The following SSX2IP variants were observed in gnomAD, a reference collection of about 807,000 sequenced individuals.
The protein encoded by SSX2IP is SSX family member 2 interacting protein.
A neutral mutation model predicts 84.9 loss-of-function variants in SSX2IP; 55 were observed. The ratio of observed to expected loss-of-function variants is 0.65; its 90% CI spans 0.52 to 0.81. The LOEUF is 0.81. SSX2IP is among the 30% of genes least tolerant of loss of function. The probability of loss-of-function intolerance (pLI) is 0.00; values close to 1 mark genes in which losing one functional copy is unlikely to be tolerated. For missense variants in SSX2IP, 664 were observed against 705.2 expected, an observed-to-expected ratio of 0.94 and a Z score of 0.66; for synonymous variants, 239 against 234.7, an observed-to-expected ratio of 1.02 and a Z score of -0.17.
In SSX2IP at chr1:84,647,447, C is replaced by CAGAA; in HGVS notation, c.1830_1831insTTCT (p.Asp611PhefsTer2). 1 of 1,598,648 alleles carries CAGAA rather than the reference C, an allele frequency of 6.3e-7. No individual in the cohort carries two copies. The highest frequency in any genetic ancestry group is 1.7e-4 in the Middle Eastern group (1 of 6,010). ...AGTCCACATGTCTAAGGTAAGTCAT[C>CAGAA]TTTTTCTACATGAGAATTTGTGTAG... is the stretch of plus-strand genomic sequence containing the variant. On this transcript the variant is annotated frameshift_variant, in exon 14 of 14. Transcript: ENST00000342203. LOFTEE classifies it high-confidence loss of function.
chr1:84,649,862 G>C, intron 13 of SSX2IP: 1 of 492,756 alleles, frequency 2.0e-6, no homozygotes, highest in South Asian at 1.5e-5. Context: ...GGTTTCCCAG[G>C]GTGGAGAGCC....
Position 84,671,289 on chromosome 1 carries a change from CTCT to C in SSX2IP, c.-73_-71del. ...TAAACATTTAGTCTAGCTGCTGTCACTCTTCTATGTAGGCATCTCCTTAAAAAG... is the reference window on the plus strand; with the variant it reads ...TAAACATTTAGTCTAGCTGCTGTCACTCTATGTAGGCATCTCCTTAAAAAG... On this transcript the variant is annotated 5_prime_UTR_variant, in exon 2 of 14. Transcript: ENST00000342203. 1 of 1,590,460 alleles carries C rather than the reference CTCT, an allele frequency of 6.3e-7. No homozygotes were observed. The highest frequency in any genetic ancestry group is 8.5e-7 in the Non-Finnish European group (1 of 1,170,232).
Position 84,664,483 on chromosome 1 carries a change from G to T in SSX2IP, c.607C>A (p.Arg203Ser). The T allele has an allele frequency of 6.3e-7, 1 of 1,599,826 alleles. No homozygotes were observed. Among genetic ancestry groups the T allele is most frequent in the Non-Finnish European group, 8.5e-7 (1 of 1,174,180 alleles). Residue 203 changes from arginine to serine, a missense_variant, in exon 6 of 14, where the codon CGT (arginine) becomes AGT (serine). By Grantham distance (110) the Arg-to-Ser change is moderately radical. Transcript: ENST00000342203. ...QYNHDMKRKE[R>S]EYNKLKERLH... ...CGTTCCTTCAGTTTATTATATTCAC[G>T]CTCTTTTCTCTTCATATCATGATTA...
intron 6 of SSX2IP, among the ~76,000 whole-genome samples, chr1:84,663,679 G>A (rs757581428): frequency 1.3e-5 from 2 of 152,144 alleles, no homozygotes; most frequent in Non-Finnish European, 2.9e-5. Flanking sequence ...CAAATCTAAG[G>A]TAAGACAGTT....
intron 9 of SSX2IP, 24 bp from the exon 10 acceptor site, chr1:84,656,508 C>A: frequency 6.2e-7 from 1 of 1,606,156 alleles, no homozygotes; most frequent in Middle Eastern, 1.7e-4. Context: ...AGTAAGTTGA[C>A]ATAGGTCTTA....
At chr1:84,651,859 T>C (rs754695824) in intron 12 of SSX2IP, 24 bp downstream of exon 12, 1 of 1,413,994 alleles carries the variant, frequency 7.1e-7, no homozygotes, top group Admixed American at 1.8e-5. Flanking sequence ...CATGTTCAAA[T>C]TAAAGAGTTT....
intron 8 of SSX2IP, among the ~76,000 whole-genome samples, chr1:84,660,994 G>C (rs1166796368): frequency 6.6e-6 from 1 of 150,422 alleles, no homozygotes; most frequent in Non-Finnish European, 1.5e-5. Context: ...TTGAACTCGG[G>C]AGGCAGAGGT....
chr1:84,663,186 T>C (rs957684661), intron 6 of SSX2IP, among the ~76,000 whole-genome samples: 1 of 152,112 alleles, frequency 6.6e-6, no homozygotes, highest in Non-Finnish European at 1.5e-5. Flanking sequence ...CAGGTGGACA[T>C]GGAAACATTT....
chr1:84,675,616 C>T (rs1041026422), intron 1 of SSX2IP, among the ~76,000 whole-genome samples: 1 of 152,188 alleles, frequency 6.6e-6, no homozygotes, highest in Non-Finnish European at 1.5e-5. Flanking sequence ...AAGCTGATAG[C>T]TTATTTTCCA....
intron 11 of SSX2IP, chr1:84,652,541 C>G: frequency 6.6e-6 from 1 of 151,256 alleles, no homozygotes; most frequent in Non-Finnish European, 1.5e-5. Flanking sequence ...ACCAGTCTGG[C>G]CAACATGGTG....
Position 84,662,530 on chromosome 1 carries a change from G to A in SSX2IP, c.674C>T (p.Ala225Val). ...LVMNKKDKKI[A>V]MDILNYVGRA... ...CCCGACATAATTCAAAATGTCCATA[G>A]CTACAAACATGAACACATAAAATTA... The change falls in exon 7 of 14, where the codon GCT becomes GTT. Residue 225 changes from alanine (A) to valine (V), a missense_variant and splice_region_variant. Physicochemically the swap from Ala to Val is moderately conservative, Grantham distance 64. Transcript: ENST00000342203. 1.2e-6 allele frequency: 2 copies of A among 1,613,650 alleles called. No individual in the cohort carries two copies. The highest frequency in any genetic ancestry group is 2.2e-5 in the South Asian group (2 of 91,030).
Position 84,650,487 on chromosome 1 carries a change from C to T in SSX2IP, c.1545G>A (p.Pro515=), listed in dbSNP as rs754121943. The stretch of plus-strand genomic sequence containing the variant: ...TAGACACACTGTGAGGCTTCTTTTG[C>T]GGCTGCCTCGAGTGCACTATAAGAT... ...WDNLIVHSRQ[P]QKKPHSVSNG... Residue 515 remains proline, a synonymous_variant, in exon 13 of 14, where the codon CCG becomes CCA. Transcript: ENST00000342203. 6.8e-6 allele frequency: 11 copies of T among 1,613,994 alleles called. No homozygotes were observed. The highest frequency in any genetic ancestry group is 4.5e-5 in the East Asian group (2 of 44,894).
chr1:84,676,720 T>TA (rs1491110446), intron 1 of SSX2IP, among the ~76,000 whole-genome samples: 3 of 5,832 alleles, frequency 5.1e-4, no homozygotes, highest in Non-Finnish European at 1.5e-3. Flanking sequence ...GCTCTTTTCC[T>TA]TTTTTTTTTT....
In SSX2IP at chr1:84,666,207, T is replaced by A; in HGVS notation, c.452A>T (p.Glu151Val). The A allele has an allele frequency of 6.2e-7, 1 of 1,612,486 alleles. No individual in the cohort carries two copies. The highest frequency in any genetic ancestry group is 8.5e-7 in the Non-Finnish European group (1 of 1,179,224). Residue 151 changes from glutamate to valine, a missense_variant, in exon 5 of 14, where the codon GAA becomes GTA. By Grantham distance (121) the Glu-to-Val change is moderately radical. Coordinates refer to ENST00000342203, the MANE Select transcript of SSX2IP (RefSeq NM_001166293.2). ...GTCTCTTTCCTGAAGCCCAATCATT[T>A]CCCTCCTGGAGGTTTCCAGTTGTTC... ...LKEQLETSRR[E>V]MIGLQERDRQ...
In SSX2IP at chr1:84,655,618, T is replaced by A. The variant is rs1196219553; in HGVS notation, c.1389+214A>T. The A allele has an allele frequency of 2.7e-6, 4 of 1,477,998 alleles. No individual in the cohort carries two copies. The African/African-American group carries it at 5.1e-5, about 19-fold the overall frequency. 91.6% of individuals were successfully genotyped at this position (1,477,998 alleles called of 1,614,324 possible). On this transcript the variant is annotated intron_variant, in intron 11 of 13. Transcript: ENST00000342203. ...AAGCAGTAATAAATGCTTATAGCGT[T>A]TTTTTTTCTTAAGTTCAATTCTCAA...
intron 8 of SSX2IP, among the ~76,000 whole-genome samples, chr1:84,661,747 T>C (rs1324286801): frequency 6.6e-6 from 1 of 152,248 alleles, no homozygotes; most frequent in African/African-American, 2.4e-5. Flanking sequence ...ATATTTGACA[T>C]AGTGGTTATG....
At chr1:84,663,501 A>G (rs1652332309) in intron 6 of SSX2IP, among the ~76,000 whole-genome samples, 1 of 152,226 alleles carries the variant, frequency 6.6e-6, no homozygotes. Context: ...ACGGCGCATT[A>G]CTGAATCTTC....
intron 11 of SSX2IP, 126 bp downstream of exon 11, chr1:84,655,706 G>C (rs1205341085): frequency 7.1e-7 from 1 of 1,411,704 alleles, no homozygotes; most frequent in African/African-American, 1.5e-5. Flanking sequence ...CAAATTATTT[G>C]TGAGATCACC....
chr1:84,661,945 T>C (rs1652045296), intron 8 of SSX2IP, among the ~76,000 whole-genome samples: 1 of 152,162 alleles, frequency 6.6e-6, no homozygotes, highest in Non-Finnish European at 1.5e-5. Flanking sequence ...AATGAGACAA[T>C]GCTTATAAAG....
Sources: allele counts gnomAD v4.1 joint callset (sites outside exome capture counted in the v4.1 genomes callset), GRCh38; gene constraint gnomAD v4.1.1; transcripts MANE v1.5; gene names NCBI Gene and HGNC (gene_info 2026-07-23, HGNC 2026-07-21).